PKD2: variants seen among roughly 807,000 people sequenced by gnomAD.
PKD2 encodes the protein polycystin 2, transient receptor potential cation channel.
A neutral mutation model predicts 105.9 loss-of-function variants in PKD2; 48 were observed. That is an observed-to-expected ratio of 0.45 (90% confidence interval 0.36 to 0.58). The LOEUF is 0.58. Ranked by LOEUF, PKD2 falls within the 20% of genes least tolerant of loss-of-function variation. PKD2 has a pLI of 0.00. For synonymous variants in PKD2, 464 were observed against 481.1 expected, an observed-to-expected ratio of 0.96 and a Z score of 0.46; for missense variants, 1,078 against 1,255.3, an observed-to-expected ratio of 0.86 and a Z score of 2.13.
At chr4:88,072,078 G>A (rs1721058416) in intron 13 of PKD2, among the ~76,000 whole-genome samples, 1 of 150,374 alleles carries the variant, frequency 6.7e-6, no homozygotes, top group Non-Finnish European at 1.5e-5. Context: ...AATCTCTCAG[G>A]CTCAAGCAAT....
intron 1 of PKD2, among the ~76,000 whole-genome samples, chr4:88,010,909 A>G (rs2110082543): frequency 6.6e-6 from 1 of 152,360 alleles, no homozygotes; most frequent in Admixed American, 6.5e-5. Context: ...TGCTGTATGC[A>G]TTGTATCTAA....
At chr4:88,029,119 G>A (rs566689523) in intron 2 of PKD2, among the ~76,000 whole-genome samples, 1 of 152,240 alleles carries the variant, frequency 6.6e-6, no homozygotes, top group Non-Finnish European at 1.5e-5. Context: ...GGTCACGGGG[G>A]ATGGCTCTTT....
chr4:88,021,818 C>T (rs117485169), intron 2 of PKD2, among the ~76,000 whole-genome samples: 57 of 152,356 alleles, frequency 3.7e-4, no homozygotes, highest in African/African-American at 1.3e-3. Flanking sequence ...TTCAGCTCTT[C>T]GCAAGTTTGG....
At position 88,057,515 on chromosome 4, in the gene PKD2, A is replaced by G. The variant is rs146747799; in HGVS notation, c.1899-468A>G. 5.3e-3 allele frequency among the ~76,000 whole-genome samples: 790 copies of G among 148,084 alleles called. 6 individuals are homozygous for G. Among genetic ancestry groups the G allele is most frequent in the African/African-American group, 0.018 (729 of 39,910 alleles). ...CAGCGGTGTAATCTCAGCTCACTGC[A>G]ACCTCTGCCTCCCGGGTTCAAGCGA... On this transcript the variant is annotated intron_variant, in intron 8 of 14. Transcript: ENST00000237596.
At chr4:88,053,632 G>A (rs1340704552) in intron 7 of PKD2, among the ~76,000 whole-genome samples, 9 of 149,944 alleles carry the variant, frequency 6.0e-5, no homozygotes, top group Admixed American at 5.3e-4. Flanking sequence ...ACTCCAGCCT[G>A]GGCAACAGAG....
At chr4:88,066,547 A>G (rs947646155) in intron 12 of PKD2, among the ~76,000 whole-genome samples, 15 of 151,888 alleles carry the variant, frequency 9.9e-5, no homozygotes, top group African/African-American at 3.6e-4. Context: ...TTTGTAGTAG[A>G]TATGGGGTTT....
chr4:88,027,600 C>T (rs1020653620), intron 2 of PKD2, among the ~76,000 whole-genome samples: 1 of 152,046 alleles, frequency 6.6e-6, no homozygotes, highest in Non-Finnish European at 1.5e-5. Flanking sequence ...GTTGGGAAGG[C>T]GTATTTGGTT....
At chr4:88,045,820 G>A (rs1429133316) in intron 5 of PKD2, among the ~76,000 whole-genome samples, 1 of 152,136 alleles carries the variant, frequency 6.6e-6, no homozygotes, top group African/African-American at 2.4e-5. Flanking sequence ...AACTACCCTG[G>A]AGGACAAACT....
At position 88,077,237 on chromosome 4, in the gene PKD2, G is replaced by GC. The variant is rs1326693985; in HGVS notation, c.*1544dup. On this transcript the variant is annotated 3_prime_UTR_variant, in exon 15 of 15. Coordinates refer to ENST00000237596, the MANE Select transcript of PKD2 (RefSeq NM_000297.4). ...AGTCCAATCTCCAATGAGAACATGA[G>GC]CAAATAGACCTTTCCAGGTTGAAAG... 2.6e-5 allele frequency: 4 copies of GC among 152,622 alleles called. No homozygotes were observed. Among genetic ancestry groups the GC allele is most frequent in the Admixed American group, 1.3e-4 (2 of 15,278 alleles). The allele number at this position is 152,622 out of a possible 1,614,324, so 9.5% of individuals were successfully genotyped here. A position where few individuals can be genotyped will look rare whatever the true frequency, so the allele number is the denominator to read the frequency against.
intron 2 of PKD2, among the ~76,000 whole-genome samples, chr4:88,031,998 T>C (rs1331401037): frequency 6.6e-6 from 1 of 152,208 alleles, no homozygotes; most frequent in Non-Finnish European, 1.5e-5. Context: ...TAGCTTTGAG[T>C]GGTTTTCTTA....
intron 1 of PKD2, among the ~76,000 whole-genome samples, chr4:88,017,317 C>T (rs1199938510): frequency 6.6e-6 from 1 of 152,206 alleles, no homozygotes; most frequent in Non-Finnish European, 1.5e-5. Flanking sequence ...TACGTACATA[C>T]ATACATACAT....
intron 2 of PKD2, among the ~76,000 whole-genome samples, chr4:88,025,344 AT>A (rs1365719858): frequency 6.6e-6 from 1 of 151,702 alleles, no homozygotes; most frequent in Non-Finnish European, 1.5e-5. Context: ...TGTAGTCCCA[AT>A]TACTTGGGAG....
intron 9 of PKD2, among the ~76,000 whole-genome samples, chr4:88,058,552 T>C (rs1314183841): frequency 6.6e-6 from 1 of 152,162 alleles, no homozygotes; most frequent in East Asian, 1.9e-4. Context: ...CTTCTTTTCT[T>C]TTTAAAAAAT....
rs142890832 is a variant in PKD2, at chr4:88,070,816, G to T, written c.2522+2755G>T. On this transcript the variant is annotated intron_variant, in intron 13 of 14. Coordinates refer to ENST00000237596, the MANE Select transcript of PKD2 (RefSeq NM_000297.4). ...CTGGCTAATTTTTAAAAAAAAATTT[G>T]TAGAGATGGCATCTTGTTATGTTGC... Among the ~76,000 whole-genome samples, 6 of 151,674 alleles carry T rather than the reference G, an allele frequency of 4.0e-5. No homozygotes were observed. In the East Asian group the frequency reaches 1.2e-3, roughly 30 times the overall value.
At chr4:88,011,257 A>G (rs982217125) in intron 1 of PKD2, among the ~76,000 whole-genome samples, 2 of 151,838 alleles carry the variant, frequency 1.3e-5, no homozygotes, top group African/African-American at 4.8e-5. Context: ...CAGAAGTTGA[A>G]TGTTTTTCTG....
intron 13 of PKD2, among the ~76,000 whole-genome samples, chr4:88,070,597 T>TAGAGAGAGAGAGAG (rs1359028384): frequency 2.0e-5 from 2 of 99,148 alleles, no homozygotes; most frequent in African/African-American, 3.8e-5. Context: ...TATATATATA[T>TAGAGAGAGAGAGAG]ATATAGAGAG....
At chr4:88,008,733 A>G (rs895514437) in intron 1 of PKD2, among the ~76,000 whole-genome samples, 2 of 152,114 alleles carry the variant, frequency 1.3e-5, no homozygotes, top group African/African-American at 4.8e-5. Flanking sequence ...CTAAAGGAAA[A>G]TGTTATAGTC....
chr4:88,009,464 T>G lies in PKD2; in HGVS notation c.595+1136T>G, dbSNP rs376051356. On this transcript the variant is annotated intron_variant, in intron 1 of 14. Transcript: ENST00000237596. ...GCTGTACGACCTTGAGCAAGTTACT[T>G]ATCCTCTCTGATACCCAATTTTTGG... 2.2e-4 allele frequency among the ~76,000 whole-genome samples: 33 copies of G among 150,782 alleles called. No homozygotes were observed. The South Asian group carries it at 6.8e-3, about 31-fold the overall frequency.
rs924484889 is a variant in PKD2 at position 88,043,314 on chromosome 4, T to C, written c.1176T>C (p.Tyr392=). 3.1e-6 allele frequency: 5 copies of C among 1,613,528 alleles called. No individual in the cohort carries two copies. Among genetic ancestry groups the C allele is most frequent in the Admixed American group, 3.3e-5 (2 of 59,950 alleles). ...IIATYSGAGY[Y]LDLSRTREET... is the part of the protein sequence containing the mutation. ...CAACTTATAGTGGAGCTGGCTATTA[T>C]CTGGATTTGTCAAGAACAAGAGAGG... The change falls in exon 5 of 15, where the codon TAT becomes TAC. Residue 392 remains tyrosine (Y), a synonymous_variant. Transcript: ENST00000237596.
Sources: gnomAD v4.1 joint callset for allele counts (sites outside exome capture counted in the v4.1 genomes callset) on GRCh38, gnomAD v4.1.1 for gene constraint, MANE v1.5 for transcripts, NCBI Gene and HGNC (gene_info 2026-07-23, HGNC 2026-07-21) for gene names.